MACROD2: variants seen among roughly 807,000 people sequenced by gnomAD.
MACROD2 encodes the protein ADP-ribose glycohydrolase MACROD2.
Under a neutral mutation model 70.4 loss-of-function variants are expected in MACROD2, and 36 were observed. That is an observed-to-expected ratio of 0.51 (90% CI 0.39 to 0.68). MACROD2 has a LOEUF of 0.68. Ranked by LOEUF, MACROD2 falls within the 30% of genes least tolerant of loss-of-function variation. MACROD2 has a pLI of 0.00. For synonymous variants in MACROD2, 172 were observed against 178.8 expected, an observed-to-expected ratio of 0.96 and a Z score of 0.30; for missense variants, 496 against 538.4, an observed-to-expected ratio of 0.92 and a Z score of 0.78.
At chr20:14,367,828 C>T (rs1326125991) in intron 3 of MACROD2, among the ~76,000 whole-genome samples, 1 of 151,918 alleles carries the variant, frequency 6.6e-6, no homozygotes, top group Non-Finnish European at 1.5e-5. Flanking sequence ...TTGGAAAGTG[C>T]TCAGCCATTA....
chr20:15,968,507 G>A (rs1208462889), intron 13 of MACROD2, among the ~76,000 whole-genome samples: 2 of 151,934 alleles, frequency 1.3e-5, no homozygotes, highest in South Asian at 2.1e-4. Context: ...AGGCACATTC[G>A]AAAGGGACTA....
At chr20:15,349,370 G>A (rs2078201987) in intron 6 of MACROD2, among the ~76,000 whole-genome samples, 1 of 152,138 alleles carries the variant, frequency 6.6e-6, no homozygotes, top group South Asian at 2.1e-4. Context: ...CTGGCACACT[G>A]TTTTTGTGGG....
intron 3 of MACROD2, among the ~76,000 whole-genome samples, chr20:14,253,439 A>G (rs1404606213): frequency 1.3e-5 from 2 of 152,056 alleles, no homozygotes; most frequent in African/African-American, 4.8e-5. Context: ...TATCTTCGCT[A>G]AGATATGTAT....
At position 15,573,013 on chromosome 20, in the gene MACROD2, G is replaced by T. The variant is rs2048396158; in HGVS notation, c.645+73166G>T. 2.6e-5 allele frequency among the ~76,000 whole-genome samples: 4 copies of T among 152,040 alleles called. 1 individual carries two copies. The highest frequency in any genetic ancestry group is 2.0e-4 in the Admixed American group (3 of 15,260). ...AAGTGCCAGAATGAAAACCACAAGA[G>T]TACTTTTCAAAACAATATCATTAAA... On this transcript the variant is annotated intron_variant, in intron 8 of 17. Transcript: ENST00000684519.
chr20:14,099,046 G>A (rs1444856002), intron 3 of MACROD2, among the ~76,000 whole-genome samples: 7 of 152,148 alleles, frequency 4.6e-5, no homozygotes, highest in East Asian at 3.9e-4. Context: ...TTGGGAGGCC[G>A]AGGCAGGTGG....
At chr20:15,346,636 T>A (rs2078169389) in intron 6 of MACROD2, among the ~76,000 whole-genome samples, 1 of 152,196 alleles carries the variant, frequency 6.6e-6, no homozygotes, top group South Asian at 2.1e-4. Flanking sequence ...GTTCTCTTTG[T>A]GTTTTTAGCA....
intron 5 of MACROD2, among the ~76,000 whole-genome samples, chr20:15,107,743 A>C (rs2075922263): frequency 6.6e-6 from 1 of 152,136 alleles, no homozygotes; most frequent in Non-Finnish European, 1.5e-5. Context: ...AGCAGAATAC[A>C]TTACTTCATC....
chr20:15,428,177 T>C (rs563881986), intron 6 of MACROD2, among the ~76,000 whole-genome samples: 3 of 152,314 alleles, frequency 2.0e-5, no homozygotes, highest in African/African-American at 7.2e-5. Context: ...TACAAACCCT[T>C]TGAGGCAGGC....
intron 3 of MACROD2, among the ~76,000 whole-genome samples, chr20:14,341,443 G>A (rs1465610040): frequency 2.0e-5 from 3 of 152,156 alleles, no homozygotes; most frequent in Admixed American, 2.0e-4. Flanking sequence ...TTTGAGACCA[G>A]CCTGGTTAAC....
At chr20:14,316,443 G>A (rs923722672) in intron 3 of MACROD2, among the ~76,000 whole-genome samples, 1 of 152,184 alleles carries the variant, frequency 6.6e-6, no homozygotes, top group Non-Finnish European at 1.5e-5. Context: ...AAGTATTTCT[G>A]GTCAGTGTTT....
intron 8 of MACROD2, among the ~76,000 whole-genome samples, chr20:15,551,777 AGGATTAGTT>A (rs1485865344): frequency 6.7e-6 from 1 of 149,710 alleles, no homozygotes; most frequent in East Asian, 2.0e-4. Context: ...CTGAGGCAGG[AGGATTAGTT>A]GAGCCTGAGG....
At chr20:16,000,664 C>T (rs969535617) in intron 15 of MACROD2, among the ~76,000 whole-genome samples, 6 of 152,168 alleles carry the variant, frequency 3.9e-5, no homozygotes, top group Admixed American at 6.5e-5. Flanking sequence ...TACTTTCCCG[C>T]GAACTGATCT....
chr20:14,362,751 C>A (rs993352297), intron 3 of MACROD2, among the ~76,000 whole-genome samples: 1 of 151,924 alleles, frequency 6.6e-6, no homozygotes. Flanking sequence ...GAATTGACAC[C>A]TGTGAATGAA....
chr20:15,387,422 A>T (rs1410720971), intron 6 of MACROD2, among the ~76,000 whole-genome samples: 2 of 145,276 alleles, frequency 1.4e-5, no homozygotes, highest in African/African-American at 2.6e-5. Context: ...TCCATTCTCC[A>T]TCCTTTCTCC....
chr20:15,204,101 A>AT (rs891758091), intron 5 of MACROD2, among the ~76,000 whole-genome samples: 15 of 152,070 alleles, frequency 9.9e-5, no homozygotes, highest in African/African-American at 3.6e-4. Context: ...ATTAATCATA[A>AT]TTTTTTGGTG....
intron 2 of MACROD2, among the ~76,000 whole-genome samples, chr20:14,013,630 C>T (rs1187720696): frequency 4.7e-5 from 7 of 148,708 alleles, no homozygotes; most frequent in African/African-American, 1.7e-4. Context: ...TTGTGTATTG[C>T]AGTGTGTACC....
intron 3 of MACROD2, among the ~76,000 whole-genome samples, chr20:14,142,273 C>T (rs772863024): frequency 6.6e-6 from 1 of 152,044 alleles, no homozygotes; most frequent in African/African-American, 2.4e-5. Context: ...AGAGGTGACT[C>T]GTTTTTGTCA....
intron 8 of MACROD2, among the ~76,000 whole-genome samples, chr20:15,697,154 T>C (rs1353775087): frequency 6.6e-6 from 1 of 152,180 alleles, no homozygotes; most frequent in African/African-American, 2.4e-5. Context: ...AGATTGTCTG[T>C]TTGTGCTCTT....
chr20:15,985,665 G>C (rs571503188), intron 13 of MACROD2: 1 of 152,450 alleles, frequency 6.6e-6, no homozygotes, highest in Non-Finnish European at 1.5e-5. Context: ...CAGGCTGGCC[G>C]GAGTCCCCCG....
Sources: allele counts gnomAD v4.1 joint callset (sites outside exome capture counted in the v4.1 genomes callset), GRCh38; gene constraint gnomAD v4.1.1; transcripts MANE v1.5; gene names NCBI Gene and HGNC (gene_info 2026-07-23, HGNC 2026-07-21).